The following PTPRD variants were observed in gnomAD, a reference collection of about 807,000 sequenced individuals.
PTPRD encodes the protein protein tyrosine phosphatase receptor type D.
PTPRD carries 34 observed loss-of-function variants against 214.5 expected under a neutral mutation model. The ratio of observed to expected loss-of-function variants is 0.16; its 90% confidence interval spans 0.12 to 0.21. The LOEUF (loss-of-function observed/expected upper bound fraction) is 0.21, where lower values mean the gene tolerates loss of function less well. Among genes scored for constraint, PTPRD ranks in the 10% least tolerant of loss-of-function variants. The probability of loss-of-function intolerance (pLI) is 1.00; values close to 1 mark genes in which losing one functional copy is unlikely to be tolerated. For synonymous variants in PTPRD, 1,128 were observed against 845.7 expected, an observed-to-expected ratio of 1.33 and a Z score of -5.79; for missense variants, 2,545 against 2,398.7, an observed-to-expected ratio of 1.06 and a Z score of -1.27.
At chr9:8,423,427 T>A (rs2094481179) in intron 35 of PTPRD, among the ~76,000 whole-genome samples, 1 of 152,192 alleles carries the variant, frequency 6.6e-6, no homozygotes, top group Non-Finnish European at 1.5e-5. Context: ...ACAGCTCCTA[T>A]CTTTTCAAAT....
intron 8 of PTPRD, among the ~76,000 whole-genome samples, chr9:9,532,208 T>C (rs936769316): frequency 1.3e-5 from 2 of 152,098 alleles, no homozygotes; most frequent in African/African-American, 4.8e-5. Flanking sequence ...AGAACTCTTA[T>C]TTGTATGGAC....
chr9:8,858,796 AACACACACACACACAC>A (rs71317379), intron 11 of PTPRD, among the ~76,000 whole-genome samples: 4 of 141,790 alleles, frequency 2.8e-5, no homozygotes, highest in African/African-American at 5.2e-5. Context: ...TGAAGGAGGC[AACACACACACACACAC>A]ACACACACAC....
intron 6 of PTPRD, among the ~76,000 whole-genome samples, chr9:9,751,765 C>G (rs531399027): frequency 6.6e-6 from 1 of 152,188 alleles, no homozygotes; most frequent in Admixed American, 6.6e-5. Context: ...CGTGTCTCAT[C>G]TCCAGAGCTA....
chr9:9,389,529 A>T (rs1476747038), intron 9 of PTPRD, among the ~76,000 whole-genome samples: 1 of 152,130 alleles, frequency 6.6e-6, no homozygotes, highest in African/African-American at 2.4e-5. Context: ...TAATAAAAAA[A>T]CATTAATTAT....
intron 11 of PTPRD, among the ~76,000 whole-genome samples, chr9:9,009,754 T>A (rs2154361395): frequency 6.6e-6 from 1 of 152,174 alleles, no homozygotes; most frequent in East Asian, 1.9e-4. Context: ...CTAGCTCACA[T>A]CTAGGCATAA....
intron 7 of PTPRD, among the ~76,000 whole-genome samples, chr9:9,600,033 C>T (rs1333062277): frequency 6.6e-6 from 1 of 151,858 alleles, no homozygotes; most frequent in Non-Finnish European, 1.5e-5. Flanking sequence ...CATTCTAAAT[C>T]CAAGCAGATG....
chr9:10,364,148 C>T (rs1233929372), intron 2 of PTPRD, among the ~76,000 whole-genome samples: 2 of 151,382 alleles, frequency 1.3e-5, no homozygotes, highest in East Asian at 1.9e-4. Flanking sequence ...TACAGGCGCC[C>T]GCCACCATGC....
intron 10 of PTPRD, among the ~76,000 whole-genome samples, chr9:9,031,204 A>C (rs558021194): frequency 2.5e-3 from 275 of 108,124 alleles, no homozygotes; most frequent in African/African-American, 9.2e-3. Flanking sequence ...ATAAATACTT[A>C]CTAGTATTAT....
chr9:9,916,148 G>C (rs2080733567), intron 5 of PTPRD, among the ~76,000 whole-genome samples: 1 of 150,250 alleles, frequency 6.7e-6, no homozygotes, highest in Non-Finnish European at 1.5e-5. Flanking sequence ...TTCAAAAATG[G>C]AGGACGAATG....
chr9:10,509,351 A>G (rs369560254), intron 2 of PTPRD, among the ~76,000 whole-genome samples: 1 of 151,306 alleles, frequency 6.6e-6, no homozygotes, highest in East Asian at 1.9e-4. Context: ...TGATTCATAG[A>G]TATGGATTTT....
At chr9:8,705,932 G>A (rs1339736033) in intron 12 of PTPRD, among the ~76,000 whole-genome samples, 1 of 152,154 alleles carries the variant, frequency 6.6e-6, no homozygotes, top group Non-Finnish European at 1.5e-5. Flanking sequence ...ATGGCCAACT[G>A]TGATTCGGAG....
chr9:8,646,616 C>T (rs2096698475), intron 12 of PTPRD, among the ~76,000 whole-genome samples: 1 of 152,142 alleles, frequency 6.6e-6, no homozygotes, highest in African/African-American at 2.4e-5. Context: ...CCTTGGAAGC[C>T]TTCTTTGATC....
At chr9:10,480,603 T>C (rs1566378404) in intron 2 of PTPRD, among the ~76,000 whole-genome samples, 1 of 152,028 alleles carries the variant, frequency 6.6e-6, no homozygotes, top group Non-Finnish European at 1.5e-5. Flanking sequence ...TTGAAAAATA[T>C]TATCTCAAAG....
Position 9,912,796 on chromosome 9 carries a change from T to C in PTPRD, c.-368+25711A>G, listed in dbSNP as rs553101646. ...GATGTAAAGATTTTTTTTCTTTTTG[T>C]AAACAAATGTGATTCAATAGCACTG... On this transcript the variant is annotated intron_variant, in intron 5 of 45. Coordinates refer to ENST00000381196, the MANE Select transcript of PTPRD (RefSeq NM_002839.4). 2.6e-5 allele frequency among the ~76,000 whole-genome samples: 4 copies of C among 152,340 alleles called. No homozygotes were observed. In the South Asian group the frequency reaches 8.3e-4, roughly 32 times the overall value.
intron 3 of PTPRD, among the ~76,000 whole-genome samples, chr9:10,140,740 C>T (rs1414284499): frequency 1.3e-5 from 2 of 152,158 alleles, no homozygotes; most frequent in African/African-American, 2.4e-5. Context: ...TCCTCCCTAA[C>T]TCATTTTATG....
intron 11 of PTPRD, among the ~76,000 whole-genome samples, chr9:8,845,067 C>T (rs1323946563): frequency 1.3e-5 from 2 of 151,374 alleles, no homozygotes; most frequent in African/African-American, 2.4e-5. Flanking sequence ...CAGTACTTTG[C>T]ATTTAGCATA....
intron 9 of PTPRD, among the ~76,000 whole-genome samples, chr9:9,251,304 T>G (rs770175605): frequency 6.6e-6 from 1 of 152,082 alleles, no homozygotes; most frequent in Admixed American, 6.6e-5. Flanking sequence ...TTCTCCATTA[T>G]GAACAGGATA....
At chr9:10,135,869 TCA>T (rs978916190) in intron 3 of PTPRD, among the ~76,000 whole-genome samples, 3 of 150,660 alleles carry the variant, frequency 2.0e-5, no homozygotes, top group African/African-American at 7.3e-5. Flanking sequence ...GGATCAAAAC[TCA>T]CAGATCAACA....
chr9:9,904,662 A>G (rs1207593921), intron 5 of PTPRD, among the ~76,000 whole-genome samples: 1 of 152,110 alleles, frequency 6.6e-6, no homozygotes, highest in East Asian at 1.9e-4. Context: ...AAATGCTCCA[A>G]AAAAGGTGAA....
Sources: gnomAD v4.1 joint callset for allele counts (sites outside exome capture counted in the v4.1 genomes callset) on GRCh38, gnomAD v4.1.1 for gene constraint, MANE v1.5 for transcripts, NCBI Gene and HGNC (gene_info 2026-07-23, HGNC 2026-07-21) for gene names.